Variants in HSPA12A observed in about 807,000 individuals in gnomAD.
HSPA12A encodes heat shock protein family A (Hsp70) member 12A, also known as heat shock 70 kDa protein 12A.
A neutral mutation model predicts 69.2 loss-of-function variants in HSPA12A; 28 were observed. That is an observed-to-expected ratio of 0.40 (90% CI 0.30 to 0.55). The LOEUF (loss-of-function observed/expected upper bound fraction) is 0.55. Among genes scored for constraint, HSPA12A ranks in the 20% least tolerant of loss-of-function variants. The probability of loss-of-function intolerance (pLI) is 0.38; values close to 1 mark genes in which losing one functional copy is unlikely to be tolerated. For synonymous variants in HSPA12A, 345 were observed against 370.5 expected, an observed-to-expected ratio of 0.93 and a Z score of 0.79; for missense variants, 686 against 900.7, an observed-to-expected ratio of 0.76 and a Z score of 3.05.
intron 2 of HSPA12A, among the ~76,000 whole-genome samples, chr10:116,781,618 A>T (rs753501406): frequency 6.6e-6 from 1 of 152,142 alleles, no homozygotes; most frequent in Non-Finnish European, 1.5e-5. Flanking sequence ...TTCTCTGCCC[A>T]TCCGTGGTGT....
intron 2 of HSPA12A, among the ~76,000 whole-genome samples, chr10:116,776,946 T>C (rs1844351838): frequency 6.6e-6 from 1 of 152,238 alleles, no homozygotes. Flanking sequence ...ATTGACAACC[T>C]GGACTTGGTT....
chr10:116,823,981 G>A (rs1437033261), intron 2 of HSPA12A, among the ~76,000 whole-genome samples: 2 of 151,638 alleles, frequency 1.3e-5, no homozygotes, highest in Non-Finnish European at 2.9e-5. Flanking sequence ...ACACAGAATG[G>A]GAAAAAATAT....
intron 2 of HSPA12A, among the ~76,000 whole-genome samples, chr10:116,808,848 C>T (rs761526074): frequency 1.6e-4 from 24 of 152,138 alleles, no homozygotes; most frequent in Non-Finnish European, 3.2e-4. Flanking sequence ...CCCGCACCGC[C>T]GTTCCTATGT....
intron 1 of HSPA12A, among the ~76,000 whole-genome samples, chr10:116,839,140 G>A (rs1233978628): frequency 6.6e-6 from 1 of 152,152 alleles, no homozygotes; most frequent in Non-Finnish European, 1.5e-5. Context: ...GTTGGAAAAC[G>A]ACATCAATCT....
intron 1 of HSPA12A, 25 bp from the exon 2 acceptor site, chr10:116,707,310 C>CTAAGGAGGCGG: frequency 6.3e-7 from 1 of 1,579,666 alleles, no homozygotes; most frequent in African/African-American, 1.3e-5. Flanking sequence ...AAAGCCGCCT[C>CTAAGGAGGCGG]CTTAGAAGTG....
chr10:116,676,265 C>G (rs1489167799), intron 11 of HSPA12A, 134 bp downstream of exon 11: 2 of 708,198 alleles, frequency 2.8e-6, no homozygotes, highest in Non-Finnish European at 5.0e-6. Context: ...CCTGCCCAGT[C>G]CTGCAGGGCC....
chr10:116,709,870 T>TA (rs559947183), intron 1 of HSPA12A, among the ~76,000 whole-genome samples: 2 of 152,310 alleles, frequency 1.3e-5, no homozygotes, highest in African/African-American at 4.8e-5. Flanking sequence ...ACATACTTTT[T>TA]AAAAAAACTT....
At chr10:116,745,939 C>T (rs1326231706), upstream of HSPA12A, among the ~76,000 whole-genome samples, 3 of 152,154 alleles carry the variant, frequency 2.0e-5, no homozygotes, top group Non-Finnish European at 4.4e-5. Flanking sequence ...TGAGACTAGA[C>T]CTCTGAGACC....
chr10:116,813,112 T>A (rs562252680), intron 2 of HSPA12A, among the ~76,000 whole-genome samples: 1 of 152,078 alleles, frequency 6.6e-6, no homozygotes, highest in South Asian at 2.1e-4. Flanking sequence ...ACTCTCTGGG[T>A]TCGAGTGGAG....
At chr10:116,779,328 G>A (rs1171259089) in intron 2 of HSPA12A, among the ~76,000 whole-genome samples, 1 of 152,190 alleles carries the variant, frequency 6.6e-6, no homozygotes, top group Non-Finnish European at 1.5e-5. Context: ...ACCTACTGAG[G>A]AGACCAGGGC....
intron 2 of HSPA12A, among the ~76,000 whole-genome samples, chr10:116,795,940 A>G (rs575518632): frequency 6.6e-6 from 1 of 151,320 alleles, no homozygotes; most frequent in East Asian, 1.9e-4. Context: ...AGGTCAGGAG[A>G]TCGAGATCAT....
intron 1 of HSPA12A, among the ~76,000 whole-genome samples, chr10:116,839,334 C>A (rs944213621): frequency 2.0e-5 from 3 of 152,160 alleles, no homozygotes; most frequent in Admixed American, 1.3e-4. Flanking sequence ...TCCCCTCCCC[C>A]ACGAAGACCC....
At position 116,723,891 on chromosome 10, in the gene HSPA12A, CT is replaced by C. The variant is rs1850865028; in HGVS notation, c.41-16607del. ...TTGCCCGATGCCCACCTGAGGGCCC[CT>C]GACCATACCCCAGTAGCTGAGGCCA... is the stretch of plus-strand genomic sequence containing the variant. On this transcript the variant is annotated intron_variant, in intron 1 of 11. Transcript: ENST00000369209. The surrounding 1 kb of genome is among the most constrained non-coding windows in gnomAD (Gnocchi z 4.1). 6.6e-6 allele frequency among the ~76,000 whole-genome samples: 1 copy of C among 152,234 alleles called. No individual in the cohort carries two copies. Among genetic ancestry groups the C allele is most frequent in the Non-Finnish European group, 1.5e-5 (1 of 68,042 alleles).
intron 2 of HSPA12A, among the ~76,000 whole-genome samples, chr10:116,812,688 G>A (rs2133185468): frequency 6.6e-6 from 1 of 152,156 alleles, no homozygotes; most frequent in Admixed American, 6.5e-5. Flanking sequence ...AGGGGCCCCT[G>A]GATGGCAAGG....
Position 116,712,977 on chromosome 10 carries a change from AATATATATAT to A in HSPA12A, c.41-5702_41-5693del, listed in dbSNP as rs56007651. On this transcript the variant is annotated intron_variant, in intron 1 of 11. Coordinates refer to ENST00000369209, the MANE Select transcript of HSPA12A (RefSeq NM_025015.3). ...TGGTACTTATGATTTTAAAAAATGC[AATATATATAT>A]ATATATATATATATATATATATATT... Among the ~76,000 whole-genome samples the A allele has an allele frequency of 4.0e-3, 327 of 80,830 alleles. 20 individuals are homozygous for A. The highest frequency in any genetic ancestry group is 0.012 in the African/African-American group (222 of 17,862). 53.0% of individuals were successfully genotyped at this position (80,830 alleles called of 152,430 possible). A position where few individuals can be genotyped will look rare whatever the true frequency, so the allele number is the denominator to read the frequency against.
At chr10:116,826,494 TGCGTGA>T (rs1845508286) in intron 2 of HSPA12A, among the ~76,000 whole-genome samples, 1 of 152,186 alleles carries the variant, frequency 6.6e-6, no homozygotes, top group African/African-American at 2.4e-5. Flanking sequence ...CATCTACAGA[TGCGTGA>T]GTGTCACCGC....
At position 116,673,847 on chromosome 10, in the gene HSPA12A, G is replaced by A. The variant is rs2133348328; in HGVS notation, c.*934C>T. Reference sequence around the variant, plus strand: ...GGAGATGAAGGTGAGTGGGAAGGAGGGGGTTAATTTAAAATCTGTCTGCTT... The same window carrying A: ...GGAGATGAAGGTGAGTGGGAAGGAGAGGGTTAATTTAAAATCTGTCTGCTT... On this transcript the variant is annotated 3_prime_UTR_variant, in exon 12 of 12. Coordinates refer to ENST00000369209, the MANE Select transcript of HSPA12A (RefSeq NM_025015.3). 1 of 152,246 alleles carries A rather than the reference G, an allele frequency of 6.6e-6. No individual in the cohort carries two copies. Among genetic ancestry groups the A allele is most frequent in the Non-Finnish European group, 1.5e-5 (1 of 68,014 alleles). 9.4% of individuals were successfully genotyped at this position (152,246 alleles called of 1,614,324 possible).
intron 1 of HSPA12A, among the ~76,000 whole-genome samples, chr10:116,717,126 GT>G (rs1554883854): frequency 1.3e-5 from 2 of 152,162 alleles, no homozygotes; most frequent in African/African-American, 4.8e-5. Context: ...GAAGGTTGCT[GT>G]GAATTACTAT....
chr10:116,687,571 C>A (rs995525030), intron 6 of HSPA12A, among the ~76,000 whole-genome samples: 2 of 152,146 alleles, frequency 1.3e-5, no homozygotes, highest in Non-Finnish European at 2.9e-5. Flanking sequence ...AAAGTATCGC[C>A]CAGGCTCTCA....
Sources: allele counts gnomAD v4.1 joint callset (sites outside exome capture counted in the v4.1 genomes callset), GRCh38; gene constraint gnomAD v4.1.1; non-coding constraint Gnocchi (gnomAD v3.1); transcripts MANE v1.5; gene names NCBI Gene and HGNC (gene_info 2026-07-23, HGNC 2026-07-21).